The following CDH13 variants were observed in gnomAD, a reference collection of about 807,000 sequenced individuals.
The protein encoded by CDH13 is cadherin 13.
A neutral mutation model predicts 63.8 loss-of-function variants in CDH13; 24 were observed. The observed-to-expected ratio is 0.38, with a 90% CI of 0.27 to 0.53. CDH13 has a LOEUF of 0.53. CDH13 is among the 20% of genes least tolerant of loss of function. CDH13 has a pLI of 0.85. For missense variants in CDH13, 1,049 were observed against 903.1 expected (o/e 1.16, Z -2.07); for synonymous variants, 503 against 355.3 (o/e 1.42, Z -4.67).
At chr16:83,060,285 C>T (rs1382930149) in intron 3 of CDH13, among the ~76,000 whole-genome samples, 2 of 152,130 alleles carry the variant, frequency 1.3e-5, no homozygotes, top group Non-Finnish European at 1.5e-5. Flanking sequence ...TCATTTGTCC[C>T]AGAGAGTCAG....
chr16:82,898,683 C>T (rs2041352199), intron 2 of CDH13, among the ~76,000 whole-genome samples: 1 of 152,148 alleles, frequency 6.6e-6, no homozygotes, highest in African/African-American at 2.4e-5. Flanking sequence ...GAGATTTCAC[C>T]TGGGCCTTGA....
intron 5 of CDH13, among the ~76,000 whole-genome samples, chr16:83,281,030 C>G (rs979372864): frequency 6.6e-6 from 1 of 152,134 alleles, no homozygotes; most frequent in South Asian, 2.1e-4. Flanking sequence ...TCAATTTTAC[C>G]CCCTAACCAG....
chr16:83,483,527 A>C (rs937999447), intron 6 of CDH13, among the ~76,000 whole-genome samples: 1 of 150,254 alleles, frequency 6.7e-6, no homozygotes, highest in Non-Finnish European at 1.5e-5. Flanking sequence ...AGCCATGATG[A>C]CTTCATTTTT....
intron 1 of CDH13, among the ~76,000 whole-genome samples, chr16:82,774,049 C>G (rs1434613216): frequency 2.0e-5 from 3 of 152,090 alleles, no homozygotes; most frequent in Non-Finnish European, 4.4e-5. Context: ...TCCCAAAGTG[C>G]TGGGACTACA....
intron 3 of CDH13, among the ~76,000 whole-genome samples, chr16:83,087,671 C>CAAAAAAAAAAAAAAAAAAAAAAAAA (rs67228844): frequency 2.3e-5 from 1 of 44,000 alleles, no homozygotes; most frequent in African/African-American, 8.7e-5. Flanking sequence ...CCCTCCGTCT[C>CAAAAAAAAAAAAAAAAAAAAAAAAA]AAAAAAAAAA....
At chr16:83,679,815 C>A (rs1436089359) in intron 10 of CDH13, among the ~76,000 whole-genome samples, 2 of 152,160 alleles carry the variant, frequency 1.3e-5, no homozygotes, top group South Asian at 2.1e-4. Flanking sequence ...AAAGCAGGGA[C>A]CCTGGAGGCA....
chr16:83,731,035 G>A (rs2576479), intron 10 of CDH13, among the ~76,000 whole-genome samples: 73,177 of 151,698 alleles, frequency 0.48, 19,583 homozygotes, highest in Non-Finnish European at 0.61. Flanking sequence ...TGGTATACAC[G>A]CACTGCATTT....
chr16:83,477,146 G>C (rs1354207545), intron 6 of CDH13, among the ~76,000 whole-genome samples: 1 of 152,208 alleles, frequency 6.6e-6, no homozygotes, highest in African/African-American at 2.4e-5. Context: ...CTGAACTGCA[G>C]CGAATGAAAA....
intron 9 of CDH13, 108 bp downstream of exon 9, chr16:83,671,080 TCTC>T (rs1914459831): frequency 1.1e-6 from 1 of 924,276 alleles, no homozygotes; most frequent in African/African-American, 1.7e-5. Context: ...ATTCCCCCAG[TCTC>T]CTCCTTCTGG....
intron 5 of CDH13, among the ~76,000 whole-genome samples, chr16:83,267,635 G>T (rs1031293279): frequency 1.3e-5 from 2 of 152,082 alleles, no homozygotes; most frequent in African/African-American, 4.8e-5. Context: ...AAAAGGATGA[G>T]TTCGGCCCCC....
intron 3 of CDH13, among the ~76,000 whole-genome samples, chr16:83,121,965 C>CACAG (rs1161853755): frequency 2.4e-5 from 3 of 125,604 alleles, no homozygotes; most frequent in African/African-American, 7.0e-5. Flanking sequence ...AAAACTGTCA[C>CACAG]ACACACACAC....
chr16:83,192,832 T>C (rs1416201959), intron 4 of CDH13, among the ~76,000 whole-genome samples: 3 of 152,108 alleles, frequency 2.0e-5, no homozygotes, highest in Non-Finnish European at 2.9e-5. Context: ...GGAACGGCCA[T>C]TGCAATCGAC....
At chr16:83,504,835 G>A (rs1365875775) in intron 7 of CDH13, among the ~76,000 whole-genome samples, 6 of 152,192 alleles carry the variant, frequency 3.9e-5, no homozygotes, top group Non-Finnish European at 1.5e-5. Context: ...GTTTTTTAAA[G>A]TAGAAAATAT....
chr16:83,675,247 G>A (rs1474814165), intron 9 of CDH13, among the ~76,000 whole-genome samples: 1 of 152,186 alleles, frequency 6.6e-6, no homozygotes, highest in East Asian at 1.9e-4. Context: ...AGGGGATTAG[G>A]AACAGAGACC....
At chr16:83,677,212 C>A (rs951397367) in intron 9 of CDH13, among the ~76,000 whole-genome samples, 2 of 152,146 alleles carry the variant, frequency 1.3e-5, no homozygotes, top group African/African-American at 4.8e-5. Flanking sequence ...AAGAGAGTGA[C>A]AGACACTCAA....
At chr16:82,809,236 G>C (rs79996373) in intron 1 of CDH13, among the ~76,000 whole-genome samples, 37 of 151,724 alleles carry the variant, frequency 2.4e-4, no homozygotes, top group Admixed American at 1.4e-3. Context: ...CATTTGCCAA[G>C]CTATTATTAC....
intron 1 of CDH13, chr16:82,824,513 T>A (rs2038153109): frequency 6.6e-6 from 1 of 152,190 alleles, no homozygotes; most frequent in Non-Finnish European, 1.5e-5. Context: ...ATATGACATT[T>A]GTATGTCCTG....
chr16:83,519,394 CT>C (rs773291329), intron 7 of CDH13, among the ~76,000 whole-genome samples: 17 of 152,090 alleles, frequency 1.1e-4, no homozygotes, highest in Non-Finnish European at 2.1e-4. Context: ...AAGTAATAGT[CT>C]AGGGACAAAG....
intron 7 of CDH13, among the ~76,000 whole-genome samples, chr16:83,581,186 C>T (rs545366521): frequency 6.6e-5 from 10 of 152,174 alleles, no homozygotes; most frequent in Admixed American, 1.3e-4. Flanking sequence ...AACAAATGCA[C>T]GTGGGCATTT....
Sources: allele counts gnomAD v4.1 joint callset (sites outside exome capture counted in the v4.1 genomes callset), GRCh38; gene constraint gnomAD v4.1.1; transcripts MANE v1.5; gene names NCBI Gene and HGNC (gene_info 2026-07-23, HGNC 2026-07-21).